Variants in ZNF610 observed in about 807,000 individuals in gnomAD.
ZNF610 encodes the protein zink finger protein.
A neutral mutation model predicts 14.1 loss-of-function variants in ZNF610; 14 were observed. The ratio of observed to expected loss-of-function variants is 0.99; its 90% CI spans 0.65 to 1.55. The LOEUF (loss-of-function observed/expected upper bound fraction) is 1.55. Among genes scored for constraint, ZNF610 ranks in the 40% most tolerant of loss-of-function variants. The pLI, the probability that ZNF610 is intolerant of heterozygous loss-of-function variation, is 0.00. For synonymous variants in ZNF610, 185 were observed against 187.6 expected (o/e 0.99, Z 0.11); for missense variants, 530 against 558.0 (o/e 0.95, Z 0.51).
chr19:52,364,799 A>G (rs907024866), intron 5 of ZNF610, among the ~76,000 whole-genome samples: 1 of 152,076 alleles, frequency 6.6e-6, no homozygotes, highest in East Asian at 1.9e-4. Context: ...GCTGGTCTTG[A>G]ACTTCTGACC....
At chr19:52,365,174 T>A (rs1402290512) in intron 5 of ZNF610, among the ~76,000 whole-genome samples, 1 of 151,410 alleles carries the variant, frequency 6.6e-6, no homozygotes, top group Non-Finnish European at 1.5e-5. Flanking sequence ...CTTGCGGAGG[T>A]TGCAGTGAGC....
At chr19:52,364,565 T>TTTTG (rs985145861) in intron 5 of ZNF610, among the ~76,000 whole-genome samples, 11 of 152,162 alleles carry the variant, frequency 7.2e-5, no homozygotes, top group Non-Finnish European at 1.6e-4. Context: ...ATTCTTGGTT[T>TTTTG]TTTGTTTGTT....
intron 5 of ZNF610, among the ~76,000 whole-genome samples, chr19:52,358,420 G>A (rs1203191658): frequency 6.6e-6 from 1 of 152,178 alleles, no homozygotes; most frequent in Non-Finnish European, 1.5e-5. Context: ...CTGACCTCGT[G>A]ATCCACCCAC....
chr19:52,349,666 G>A (rs1015521286), intron 3 of ZNF610, among the ~76,000 whole-genome samples: 3 of 151,376 alleles, frequency 2.0e-5, no homozygotes, highest in East Asian at 1.9e-4. Flanking sequence ...TCCGCCTCCC[G>A]GGTTCAAGCA....
chr19:52,366,410 C>G lies in ZNF610; in HGVS notation c.1032C>G (p.Tyr344Ter). The change falls in exon 6 of 6, where the codon TAC (tyrosine) becomes TAG (stop). Residue 344 changes from tyrosine to a stop codon, truncating the protein, a stop_gained. Coordinates refer to ENST00000403906, the MANE Select transcript of ZNF610 (RefSeq NM_001161425.2). LOFTEE classifies it low-confidence loss of function (END_TRUNC). ...HQRSHTAEKP[Y>*]KCNECGKVFS... ...GAAGTCACACGGCGGAAAAACCTTA[C>G]AAATGTAATGAATGTGGCAAGGTCT... The G allele has an allele frequency of 1.2e-6, 2 of 1,614,140 alleles. No individual in the cohort carries two copies. Among genetic ancestry groups the G allele is most frequent in the Non-Finnish European group, 1.7e-6 (2 of 1,180,042 alleles).
intron 5 of ZNF610, among the ~76,000 whole-genome samples, chr19:52,361,951 C>T (rs141058638): frequency 6.6e-6 from 1 of 152,250 alleles, no homozygotes; most frequent in African/African-American, 2.4e-5. Context: ...GATGAGGTCT[C>T]ACTCTGTCTC....
At chr19:52,353,543 C>A in intron 3 of ZNF610, 139 bp from the exon 4 acceptor site, 1 of 900,132 alleles carries the variant, frequency 1.1e-6, no homozygotes, top group East Asian at 3.0e-5. Flanking sequence ...TGAACATTTA[C>A]TAGAGATTGG....
At chr19:52,337,098 T>C (rs1344949661) in intron 1 of ZNF610, among the ~76,000 whole-genome samples, 1 of 150,556 alleles carries the variant, frequency 6.6e-6, no homozygotes, top group Non-Finnish European at 1.5e-5. Context: ...ACTGGAGAAA[T>C]GTAGAGAAAA....
chr19:52,360,503 GCCTTC>G (rs1985724898), intron 5 of ZNF610, among the ~76,000 whole-genome samples: 5 of 152,182 alleles, frequency 3.3e-5, no homozygotes, highest in Non-Finnish European at 5.9e-5. Context: ...TGAAGGAAAA[GCCTTC>G]ATTATTTCAA....
chr19:52,366,607 G>A lies in ZNF610; in HGVS notation c.1229G>A (p.Gly410Glu). ...TGTAATGAATGTGACAAAGTCTTTG[G>A]GCGCAAATTATACCTAACCAACCAT... Reference protein sequence around the residue: ...YKCNECDKVFGRKLYLTNHQR... With the variant: ...YKCNECDKVFERKLYLTNHQR... Residue 410 changes from glycine to glutamate, a missense_variant, in exon 6 of 6, where the codon GGG becomes GAG. Coordinates refer to ENST00000403906, the MANE Select transcript of ZNF610 (RefSeq NM_001161425.2). The A allele has an allele frequency of 6.2e-7, 1 of 1,614,124 alleles. No individual in the cohort carries two copies. Among genetic ancestry groups the A allele is most frequent in the Non-Finnish European group, 8.5e-7 (1 of 1,180,034 alleles).
chr19:52,365,967 A>G lies in ZNF610; in HGVS notation c.589A>G (p.Ile197Val), dbSNP rs1417092448. 3 of 1,614,026 alleles carry G rather than the reference A, an allele frequency of 1.9e-6. No homozygotes were observed. The highest frequency in any genetic ancestry group is 1.6e-4 in the Middle Eastern group (1 of 6,084). Residue 197 changes from isoleucine (I) to valine (V), a missense_variant, in exon 6 of 6, where the codon ATT becomes GTT. Ile to Val is a conservative substitution (Grantham distance 29). Coordinates refer to ENST00000403906, the MANE Select transcript of ZNF610 (RefSeq NM_001161425.2). ...PLLPQEEKAY[I>V]RGKSYEYECS... The stretch of plus-strand genomic sequence containing the variant: ...ACTCCCACAAGAAGAGAAAGCATAC[A>G]TTAGAGGAAAATCTTATGAATATGA...
At chr19:52,358,231 T>C (rs1459567416) in intron 5 of ZNF610, among the ~76,000 whole-genome samples, 1 of 152,222 alleles carries the variant, frequency 6.6e-6, no homozygotes, top group Non-Finnish European at 1.5e-5. Flanking sequence ...GTCGCCGGGC[T>C]GGAGTGCGGT....
Position 52,366,628 on chromosome 19 carries a change from A to C in ZNF610, c.1250A>C (p.Asn417Thr), listed in dbSNP as rs1986087051. 1.9e-6 allele frequency: 3 copies of C among 1,614,160 alleles called. No homozygotes were observed. The highest frequency in any genetic ancestry group is 2.5e-6 in the Non-Finnish European group (3 of 1,180,030). ...KVFGRKLYLT[N>T]HQRIHTGERP... ...TTTGGGCGCAAATTATACCTAACCA[A>C]CCATCAGAGAATTCATACTGGAGAG... The change falls in exon 6 of 6, where the codon AAC becomes ACC. Residue 417 changes from asparagine (N) to threonine (T), a missense_variant. Transcript: ENST00000403906.
At chr19:52,341,403 G>A (rs986763066) in intron 1 of ZNF610, among the ~76,000 whole-genome samples, 7 of 151,574 alleles carry the variant, frequency 4.6e-5, no homozygotes, top group Admixed American at 3.3e-4. Flanking sequence ...TCTGCCTCCC[G>A]GATTCAAGCG....
At chr19:52,336,236 G>T (rs2122156015), upstream of ZNF610, 1 of 250,210 alleles carries the variant, frequency 4.0e-6, no homozygotes, top group Non-Finnish European at 7.7e-6. Context: ...CGCGCGCGCA[G>T]TTTTTTGCAG....
At chr19:52,351,205 C>T (rs1380085944) in intron 3 of ZNF610, among the ~76,000 whole-genome samples, 1 of 151,996 alleles carries the variant, frequency 6.6e-6, no homozygotes, top group African/African-American at 2.4e-5. Context: ...GCCTGTAATC[C>T]CAGCACTTTG....
At chr19:52,363,584 T>C (rs1472196381) in intron 5 of ZNF610, among the ~76,000 whole-genome samples, 1 of 152,242 alleles carries the variant, frequency 6.6e-6, no homozygotes, top group Non-Finnish European at 1.5e-5. Flanking sequence ...TTATATCTTC[T>C]TGGTGAATTG....
chr19:52,356,891 C>T (rs1377374940), intron 5 of ZNF610, among the ~76,000 whole-genome samples: 1 of 152,202 alleles, frequency 6.6e-6, no homozygotes, highest in African/African-American at 2.4e-5. Flanking sequence ...CAACAATAAA[C>T]ACAGACAACT....
rs141429777 is a variant in ZNF610 at position 52,338,186 on chromosome 19, G to C, written c.-258+1680G>C. Among the ~76,000 whole-genome samples, 164 of 152,302 alleles carry C rather than the reference G, an allele frequency of 1.1e-3. 2 individuals are homozygous for C. Among genetic ancestry groups the C allele is most frequent in the African/African-American group, 3.8e-3 (159 of 41,580 alleles). ...CTTCAGGTGCCACTTGCAAGTCCTG[G>C]GTTGGGACTTGAACCTTGTGACCAA... On this transcript the variant is annotated intron_variant, in intron 1 of 5. Transcript: ENST00000403906.
Sources: allele counts gnomAD v4.1 joint callset (sites outside exome capture counted in the v4.1 genomes callset), GRCh38; gene constraint gnomAD v4.1.1; transcripts MANE v1.5; gene names NCBI Gene and HGNC (gene_info 2026-07-23, HGNC 2026-07-21).